Variants in ASTN2 observed in about 807,000 individuals in gnomAD.
ASTN2 encodes astrotactin-2.
ASTN2 carries 54 observed loss-of-function variants against 139.8 expected under a neutral mutation model. That is an observed-to-expected ratio of 0.39 (90% CI 0.31 to 0.48). The LOEUF (loss-of-function observed/expected upper bound fraction) is 0.48, where lower values mean the gene tolerates loss of function less well. Among genes scored for constraint, ASTN2 ranks in the 20% least tolerant of loss-of-function variants. ASTN2 has a pLI of 0.95. For synonymous variants in ASTN2, 756 were observed against 719.5 expected, an observed-to-expected ratio of 1.05 and a Z score of -0.81; for missense variants, 1,565 against 1,725.1, an observed-to-expected ratio of 0.91 and a Z score of 1.64.
At chr9:117,126,280 G>A (rs1019886487) in intron 4 of ASTN2, among the ~76,000 whole-genome samples, 5 of 152,176 alleles carry the variant, frequency 3.3e-5, no homozygotes, top group Admixed American at 1.3e-4. Context: ...AGTCTTGGAG[G>A]TATGTGCTGC....
chr9:117,102,129 G>A lies in ASTN2; in HGVS notation c.1169-5978C>T, dbSNP rs569332170. On this transcript the variant is annotated intron_variant, in intron 4 of 22. Coordinates refer to ENST00000313400, the MANE Select transcript of ASTN2 (RefSeq NM_001365068.1). ...TATTTACAAGTCAAAGGGTACAAACGACCCAAATGTCAATCACCTGATGAA... is the reference window on the plus strand; with the variant it reads ...TATTTACAAGTCAAAGGGTACAAACAACCCAAATGTCAATCACCTGATGAA... Among the ~76,000 whole-genome samples, 126 of 152,194 alleles carry A rather than the reference G, an allele frequency of 8.3e-4. 1 individual carries two copies. Among genetic ancestry groups the A allele is most frequent in the African/African-American group, 2.9e-3 (122 of 41,526 alleles).
At chr9:117,358,584 C>T (rs544653622) in intron 1 of ASTN2, among the ~76,000 whole-genome samples, 35 of 152,196 alleles carry the variant, frequency 2.3e-4, no homozygotes, top group African/African-American at 8.2e-4. Flanking sequence ...ACAGACTTGT[C>T]GACCACCAGC....
chr9:117,301,126 A>G (rs1312717837), intron 1 of ASTN2, among the ~76,000 whole-genome samples: 1 of 152,098 alleles, frequency 6.6e-6, no homozygotes, highest in Admixed American at 6.6e-5. Flanking sequence ...GCTGGAATTG[A>G]TTCTCATTAC....
chr9:117,224,434 T>A (rs1220301002), intron 2 of ASTN2, among the ~76,000 whole-genome samples: 1 of 151,884 alleles, frequency 6.6e-6, no homozygotes, highest in Non-Finnish European at 1.5e-5. Flanking sequence ...AAACCACTAC[T>A]TCCCCTCCAC....
intron 10 of ASTN2, among the ~76,000 whole-genome samples, chr9:116,972,642 C>T (rs796743000): frequency 2.6e-5 from 4 of 152,268 alleles, no homozygotes; most frequent in African/African-American, 9.6e-5. Context: ...CCATATCCTT[C>T]CTAACATTTG....
At chr9:117,142,386 G>A (rs1251947311) in intron 3 of ASTN2, among the ~76,000 whole-genome samples, 1 of 152,188 alleles carries the variant, frequency 6.6e-6, no homozygotes, top group Non-Finnish European at 1.5e-5. Context: ...CAGTGGCAGC[G>A]AAGGTGACAC....
At chr9:117,242,473 G>T (rs180751971) in intron 2 of ASTN2, among the ~76,000 whole-genome samples, 1 of 152,270 alleles carries the variant, frequency 6.6e-6, no homozygotes, top group East Asian at 1.9e-4. Context: ...GGATATGCTG[G>T]CTGGAAGCAT....
At chr9:117,284,994 T>C (rs752305706) in intron 2 of ASTN2, among the ~76,000 whole-genome samples, 2 of 152,240 alleles carry the variant, frequency 1.3e-5, no homozygotes, top group African/African-American at 4.8e-5. Context: ...TTTAATGAGT[T>C]AAATACATGT....
Position 117,116,535 on chromosome 9 carries a change from G to C in ASTN2, c.1169-20384C>G, listed in dbSNP as rs551370195. Among the ~76,000 whole-genome samples, 3 of 150,214 alleles carry C rather than the reference G, an allele frequency of 2.0e-5. No homozygotes were observed. In the South Asian group the frequency reaches 6.3e-4, roughly 32 times the overall value. On this transcript the variant is annotated intron_variant, in intron 4 of 22. Transcript: ENST00000313400. ...CTTGAATAATCTTTGCCATTTGCTT[G>C]ATCAAAGCTATAGACAATGTTAAGG...
chr9:116,573,297 G>A (rs188612639), intron 19 of ASTN2, among the ~76,000 whole-genome samples: 5 of 152,276 alleles, frequency 3.3e-5, no homozygotes, highest in African/African-American at 1.2e-4. Context: ...CCAATTGGTC[G>A]AAAGTGTGTT....
intron 1 of ASTN2, among the ~76,000 whole-genome samples, chr9:117,382,275 G>T (rs1830293838): frequency 6.6e-6 from 1 of 152,184 alleles, no homozygotes; most frequent in Non-Finnish European, 1.5e-5. Context: ...GTATGACTAG[G>T]TGTGGAGGAC....
chr9:116,709,544 G>A (rs1393173216), intron 16 of ASTN2, among the ~76,000 whole-genome samples: 5 of 152,170 alleles, frequency 3.3e-5, no homozygotes, highest in Non-Finnish European at 5.9e-5. Context: ...TCTATAGACT[G>A]TTGAACCACT....
intron 13 of ASTN2, among the ~76,000 whole-genome samples, chr9:116,748,277 G>T (rs184623739): frequency 3.3e-5 from 5 of 152,312 alleles, no homozygotes; most frequent in African/African-American, 7.2e-5. Flanking sequence ...TAACAGATCT[G>T]CAGGGCCAGA....
intron 5 of ASTN2, among the ~76,000 whole-genome samples, chr9:117,055,270 G>T (rs1339629232): frequency 6.6e-6 from 1 of 152,152 alleles, no homozygotes; most frequent in Admixed American, 6.5e-5. Flanking sequence ...TGGGTGCTGG[G>T]GATATAGCAG....
chr9:117,054,854 T>C (rs1245048210), intron 5 of ASTN2, among the ~76,000 whole-genome samples: 1 of 152,222 alleles, frequency 6.6e-6, no homozygotes, highest in African/African-American at 2.4e-5. Flanking sequence ...AATTTTTCCA[T>C]GGACTGCAGG....
chr9:116,840,666 C>T (rs62563541), intron 11 of ASTN2, among the ~76,000 whole-genome samples: 7,748 of 83,078 alleles, frequency 0.093, 403 homozygotes, highest in East Asian at 0.21. Flanking sequence ...TCAGACGGGG[C>T]GGTTGCCAGG....
chr9:116,899,929 G>C (rs569578233), intron 10 of ASTN2, among the ~76,000 whole-genome samples: 17 of 152,166 alleles, frequency 1.1e-4, no homozygotes, highest in Non-Finnish European at 2.4e-4. Context: ...TGGTATTGTG[G>C]CCCCCACCTA....
chr9:117,144,418 G>C (rs759903419), intron 3 of ASTN2, among the ~76,000 whole-genome samples: 1 of 152,110 alleles, frequency 6.6e-6, no homozygotes, highest in Non-Finnish European at 1.5e-5. Flanking sequence ...TCCAACCTGC[G>C]GCCCAGGGGC....
At chr9:116,779,482 A>C (rs1830162979) in intron 13 of ASTN2, among the ~76,000 whole-genome samples, 1 of 125,820 alleles carries the variant, frequency 7.9e-6, no homozygotes, top group Non-Finnish European at 1.7e-5. Flanking sequence ...TATTCTTTAT[A>C]AATTACCCAG....
Sources: gnomAD v4.1 joint callset for allele counts (sites outside exome capture counted in the v4.1 genomes callset) on GRCh38, gnomAD v4.1.1 for gene constraint, MANE v1.5 for transcripts, NCBI Gene and HGNC (gene_info 2026-07-23, HGNC 2026-07-21) for gene names.